KCND2: variants seen among roughly 807,000 people sequenced by gnomAD.
The protein encoded by KCND2 is A-type voltage-gated potassium channel KCND2.
In KCND2, 16 loss-of-function variants were observed where a neutral mutation model predicts 54.4. The ratio of observed to expected loss-of-function variants is 0.29; its 90% CI spans 0.20 to 0.45. KCND2 has a LOEUF of 0.45. Among genes scored for constraint, KCND2 ranks in the 20% least tolerant of loss-of-function variants. The pLI is 1.00. For synonymous variants in KCND2, 317 were observed against 310.7 expected (o/e 1.02, Z -0.21); for missense variants, 486 against 824.2 (o/e 0.59, Z 5.02).
Position 120,685,041 on chromosome 7 carries a change from T to C in KCND2, c.1116-47862T>C, listed in dbSNP as rs535010291. On this transcript the variant is annotated intron_variant, in intron 1 of 5. Transcript: ENST00000331113. ...GAAATAAAACACACAATAAATTTAA[T>C]GCATTTGAATCATTACCAAACCATT... 2.8e-4 allele frequency among the ~76,000 whole-genome samples: 42 copies of C among 152,352 alleles called. 1 individual carries two copies. Among genetic ancestry groups the C allele is most frequent in the Admixed American group, 1.2e-3 (19 of 15,290 alleles).
chr7:120,680,048 T>C (rs1049909422), intron 1 of KCND2, among the ~76,000 whole-genome samples: 1 of 152,076 alleles, frequency 6.6e-6, no homozygotes, highest in African/African-American at 2.4e-5. Context: ...ATTTTAGAGA[T>C]GATTAATTTG....
chr7:120,656,629 T>C (rs563856772), intron 1 of KCND2, among the ~76,000 whole-genome samples: 2 of 152,340 alleles, frequency 1.3e-5, no homozygotes, highest in South Asian at 2.1e-4. Context: ...TCAAGTGATA[T>C]TTATCTATGA....
chr7:120,430,285 C>G (rs1801770682), intron 1 of KCND2, among the ~76,000 whole-genome samples: 1 of 152,036 alleles, frequency 6.6e-6, no homozygotes, highest in Non-Finnish European at 1.5e-5. Context: ...TCTCCTTCTT[C>G]TTATAAGGAC....
At chr7:120,524,908 C>T (rs369228544) in intron 1 of KCND2, among the ~76,000 whole-genome samples, 9 of 152,118 alleles carry the variant, frequency 5.9e-5, no homozygotes, top group East Asian at 1.9e-4. Flanking sequence ...TTTTACACCA[C>T]GTCTGGCTCT....
chr7:120,580,922 A>T lies in KCND2; in HGVS notation c.1116-151981A>T, dbSNP rs147942137. On this transcript the variant is annotated intron_variant, in intron 1 of 5. Transcript: ENST00000331113. Reference sequence around the variant, plus strand: ...TTAGTGTAAGGATAGTTGAACATGGATTCTTAAATTCAGTAGAAAACTGGA... The same window carrying T: ...TTAGTGTAAGGATAGTTGAACATGGTTTCTTAAATTCAGTAGAAAACTGGA... Among the ~76,000 whole-genome samples the T allele has an allele frequency of 1.9e-4, 29 of 152,332 alleles. No individual in the cohort carries two copies. The East Asian group carries it at 5.6e-3, about 29-fold the overall frequency.
At chr7:120,707,945 C>G (rs1792490274) in intron 1 of KCND2, among the ~76,000 whole-genome samples, 1 of 151,968 alleles carries the variant, frequency 6.6e-6, no homozygotes. Context: ...AACTAGCTAG[C>G]CTGCAGTCAG....
chr7:120,341,569 C>T (rs1026079597), intron 1 of KCND2, among the ~76,000 whole-genome samples: 1 of 152,022 alleles, frequency 6.6e-6, no homozygotes, highest in Admixed American at 6.6e-5. Context: ...AGATAATGAT[C>T]AGAGACATAG....
intron 1 of KCND2, among the ~76,000 whole-genome samples, chr7:120,338,334 AGCCAATCTT>A (rs1800180679): frequency 6.6e-6 from 1 of 152,116 alleles, no homozygotes; most frequent in Admixed American, 6.5e-5. Context: ...TAAGTTATAT[AGCCAATCTT>A]TCCCTGACTT....
intron 1 of KCND2, among the ~76,000 whole-genome samples, chr7:120,719,967 T>A (rs1792647144): frequency 6.6e-6 from 1 of 152,144 alleles, no homozygotes; most frequent in African/African-American, 2.4e-5. Context: ...TGTGCCCATT[T>A]CATACAAGTA....
intron 1 of KCND2, among the ~76,000 whole-genome samples, chr7:120,614,161 C>G (rs759819948): frequency 1.3e-5 from 2 of 151,932 alleles, no homozygotes; most frequent in Non-Finnish European, 2.9e-5. Context: ...TACAGGTGCC[C>G]GCCACCACGC....
rs148901662 is a variant in KCND2, at chr7:120,719,402, T to G, written c.1116-13501T>G. Reference sequence around the variant, plus strand: ...TTTTACAACTATAAATAAACCATTATCATAACCCCTTATTAGTGGTAGAAA... The same window carrying G: ...TTTTACAACTATAAATAAACCATTAGCATAACCCCTTATTAGTGGTAGAAA... On this transcript the variant is annotated intron_variant, in intron 1 of 5. Transcript: ENST00000331113. Among the ~76,000 whole-genome samples, 520 of 152,286 alleles carry G rather than the reference T, an allele frequency of 3.4e-3. 2 individuals are homozygous for G. The highest frequency in any genetic ancestry group is 0.011 in the African/African-American group (475 of 41,572).
intron 1 of KCND2, among the ~76,000 whole-genome samples, chr7:120,621,255 C>T (rs539967512): frequency 7.7e-4 from 92 of 119,020 alleles, no homozygotes; most frequent in African/African-American, 3.0e-3. Flanking sequence ...CCAGCCTGGG[C>T]GACAGAGCAA....
intron 1 of KCND2, among the ~76,000 whole-genome samples, chr7:120,294,733 A>G (rs886575467): frequency 2.0e-5 from 3 of 151,862 alleles, no homozygotes; most frequent in African/African-American, 7.2e-5. Context: ...GAAGAAACAT[A>G]TTCTTATTAG....
intron 1 of KCND2, among the ~76,000 whole-genome samples, chr7:120,330,513 G>A (rs1800050220): frequency 7.0e-6 from 1 of 142,760 alleles, no homozygotes; most frequent in African/African-American, 2.5e-5. Context: ...CCTGGGAGGT[G>A]GAGGTTTCAG....
chr7:120,678,892 A>G (rs1237429997), intron 1 of KCND2, among the ~76,000 whole-genome samples: 1 of 151,016 alleles, frequency 6.6e-6, no homozygotes, highest in African/African-American at 2.4e-5. Context: ...CTGAAGCTTG[A>G]CCCAATTGTG....
At chr7:120,359,041 A>G (rs764740654) in intron 1 of KCND2, among the ~76,000 whole-genome samples, 9 of 152,188 alleles carry the variant, frequency 5.9e-5, no homozygotes, top group Non-Finnish European at 1.0e-4. Flanking sequence ...CACAGGTGGC[A>G]TTCGTTGATC....
At chr7:120,604,613 C>G (rs1584850685) in intron 1 of KCND2, among the ~76,000 whole-genome samples, 1 of 151,204 alleles carries the variant, frequency 6.6e-6, no homozygotes, top group East Asian at 1.9e-4. Flanking sequence ...ATTCAGTGTT[C>G]TCTCTGGCAG....
At chr7:120,306,736 T>G (rs138758069) in intron 1 of KCND2, among the ~76,000 whole-genome samples, 181 of 152,210 alleles carry the variant, frequency 1.2e-3, no homozygotes, top group African/African-American at 4.2e-3. Flanking sequence ...TTATCATATT[T>G]CTCTTGAGCA....
chr7:120,707,486 C>G (rs1203514027), intron 1 of KCND2, among the ~76,000 whole-genome samples: 1 of 152,100 alleles, frequency 6.6e-6, no homozygotes, highest in African/African-American at 2.4e-5. Flanking sequence ...CTCAAACACT[C>G]TCTGTCCATA....
Sources: allele counts gnomAD v4.1 joint callset (sites outside exome capture counted in the v4.1 genomes callset), GRCh38; gene constraint gnomAD v4.1.1; transcripts MANE v1.5; gene names NCBI Gene and HGNC (gene_info 2026-07-23, HGNC 2026-07-21).